Variants in MCC observed in about 807,000 individuals in gnomAD.
MCC encodes the protein colorectal mutant cancer protein.
MCC carries 90 observed loss-of-function variants against 116.2 expected under a neutral mutation model. The ratio of observed to expected loss-of-function variants is 0.77; its 90% CI spans 0.65 to 0.92. The LOEUF (loss-of-function observed/expected upper bound fraction) is 0.92. MCC is among the 40% of genes least tolerant of loss of function. The pLI is 0.00. For synonymous variants in MCC, 578 were observed against 510.5 expected, an observed-to-expected ratio of 1.13 and a Z score of -1.78; for missense variants, 1,516 against 1,312.2, an observed-to-expected ratio of 1.16 and a Z score of -2.40.
rs541625025 is a variant in MCC at position 113,091,903 on chromosome 5, C to CACACCA, written c.1399-6594_1399-6593insTGGTGT. ...ACTCAGACACACACACACACACACA[C>CACACCA]CACACAAACACACACACACACACTG... is the stretch of plus-strand genomic sequence containing the variant. On this transcript the variant is annotated intron_variant, in intron 8 of 18. Transcript: ENST00000408903. Among the ~76,000 whole-genome samples, 2 of 144,182 alleles carry CACACCA rather than the reference C, an allele frequency of 1.4e-5. 1 individual carries two copies. The highest frequency in any genetic ancestry group is 5.2e-5 in the African/African-American group (2 of 38,484). 94.6% of individuals were successfully genotyped at this position (144,182 alleles called of 152,430 possible).
intron 8 of MCC, among the ~76,000 whole-genome samples, chr5:113,096,101 C>G (rs1329018824): frequency 6.6e-6 from 1 of 152,200 alleles, no homozygotes; most frequent in African/African-American, 2.4e-5. Flanking sequence ...CTCCACATAG[C>G]AGGCAGCTTC....
At chr5:113,071,350 T>G in intron 11 of MCC, 116 bp from the exon 12 acceptor site, 20 of 1,020,820 alleles carry the variant, frequency 2.0e-5, no homozygotes, top group Non-Finnish European at 2.9e-5. Flanking sequence ...CCTGTCAGAT[T>G]AGTAGCTGAC....
At chr5:113,325,015 AT>A (rs1767517834) in intron 3 of MCC, among the ~76,000 whole-genome samples, 1 of 151,670 alleles carries the variant, frequency 6.6e-6, no homozygotes, top group Non-Finnish European at 1.5e-5. Context: ...AAAAAAAAAA[AT>A]CTCAGTAAAG....
At chr5:113,312,545 A>G (rs1561519758) in intron 3 of MCC, among the ~76,000 whole-genome samples, 2 of 152,312 alleles carry the variant, frequency 1.3e-5, no homozygotes, top group Middle Eastern at 3.4e-3. Flanking sequence ...TAGAAGGTCA[A>G]TGCAGCTGGA....
At chr5:113,100,386 ATTTACAAGGTCTT>A (rs1473424034) in intron 8 of MCC, among the ~76,000 whole-genome samples, 1 of 148,640 alleles carries the variant, frequency 6.7e-6, no homozygotes, top group Non-Finnish European at 1.5e-5. Context: ...AGAGCAAGTT[ATTTACAAGGTCTT>A]TTTTATGGCT....
At chr5:113,458,523 G>C (rs1580403116) in intron 1 of MCC, among the ~76,000 whole-genome samples, 1 of 152,220 alleles carries the variant, frequency 6.6e-6, no homozygotes, top group African/African-American at 2.4e-5. Context: ...AAGTCAGTGA[G>C]ACCAAGAACC....
chr5:113,379,305 A>G (rs912809018), intron 2 of MCC, among the ~76,000 whole-genome samples: 1 of 152,250 alleles, frequency 6.6e-6, no homozygotes. Context: ...TAGAAGGAGC[A>G]TTCTATTCTA....
At chr5:113,439,289 A>G (rs6879370) in intron 1 of MCC, among the ~76,000 whole-genome samples, 17,536 of 152,182 alleles carry the variant, frequency 0.12, 1,753 homozygotes, top group African/African-American at 0.27. Context: ...TGGTTGTGGA[A>G]GCATGCTGAG....
At chr5:113,484,153 C>A (rs1355427263) in intron 1 of MCC, among the ~76,000 whole-genome samples, 4 of 151,932 alleles carry the variant, frequency 2.6e-5, no homozygotes, top group Admixed American at 6.6e-5. Context: ...CTATAGTGGG[C>A]ACTAGGCTTA....
intron 14 of MCC, among the ~76,000 whole-genome samples, chr5:113,056,470 G>T (rs1035456303): frequency 2.6e-5 from 4 of 152,164 alleles, no homozygotes; most frequent in African/African-American, 9.7e-5. Flanking sequence ...AACTAATGTG[G>T]GAACAGAAAA....
intron 17 of MCC, among the ~76,000 whole-genome samples, chr5:113,030,958 T>G (rs1038511731): frequency 6.6e-6 from 1 of 152,232 alleles, no homozygotes; most frequent in African/African-American, 2.4e-5. Flanking sequence ...GTTAGAGTCA[T>G]GTAGGAACGG....
chr5:113,116,939 C>T (rs1373793753), intron 6 of MCC, among the ~76,000 whole-genome samples: 1 of 152,142 alleles, frequency 6.6e-6, no homozygotes, highest in Non-Finnish European at 1.5e-5. Flanking sequence ...AATTAAGTTG[C>T]CCACATAAAG....
intron 3 of MCC, among the ~76,000 whole-genome samples, chr5:113,255,424 A>G (rs955246016): frequency 2.0e-5 from 3 of 152,182 alleles, no homozygotes; most frequent in Admixed American, 2.0e-4. Context: ...AGCCTTTGGG[A>G]TCAGAAAACT....
intron 1 of MCC, among the ~76,000 whole-genome samples, chr5:113,426,408 T>C (rs1233865162): frequency 3.3e-5 from 5 of 152,216 alleles, no homozygotes; most frequent in Non-Finnish European, 5.9e-5. Context: ...CCTCAAAATC[T>C]ATCCCCAGGA....
Position 113,158,414 on chromosome 5 carries a change from C to T in MCC, c.628-6992G>A, listed in dbSNP as rs147850930. On this transcript the variant is annotated intron_variant, in intron 3 of 18. Transcript: ENST00000408903. ...TTGAATACATATTTTTGGCAGGTTC[C>T]GCACTGCATGCTTCATACACTTTAC... is the stretch of plus-strand genomic sequence containing the variant. Among the ~76,000 whole-genome samples, 188 of 152,292 alleles carry T rather than the reference C, an allele frequency of 1.2e-3. No homozygotes were observed. In the Middle Eastern group the frequency reaches 0.017, roughly 14 times the overall value.
chr5:113,218,346 C>T lies in MCC; in HGVS notation c.628-66924G>A, dbSNP rs114422833. 6.8e-3 allele frequency among the ~76,000 whole-genome samples: 1,042 copies of T among 152,166 alleles called. 10 individuals are homozygous for T. Among genetic ancestry groups the T allele is most frequent in the African/African-American group, 0.024 (987 of 41,508 alleles). Reference sequence around the variant, plus strand: ...GCTGGTATTTTTGTCACTGGGCTTTCGGGCTGGGGGCTGGGCAGAGCTGAA... The same window carrying T: ...GCTGGTATTTTTGTCACTGGGCTTTTGGGCTGGGGGCTGGGCAGAGCTGAA... On this transcript the variant is annotated intron_variant, in intron 3 of 18. Transcript: ENST00000408903.
chr5:113,258,351 CCA>C (rs1765097155), intron 3 of MCC, among the ~76,000 whole-genome samples: 1 of 152,212 alleles, frequency 6.6e-6, no homozygotes, highest in South Asian at 2.1e-4. Flanking sequence ...CAGGGGGTCC[CCA>C]ACCCCTGGTC....
At chr5:113,460,989 G>A (rs1053153485) in intron 1 of MCC, among the ~76,000 whole-genome samples, 7 of 152,218 alleles carry the variant, frequency 4.6e-5, no homozygotes, top group Admixed American at 4.6e-4. Context: ...TATAAGCCAA[G>A]CACTCTTAAA....
chr5:113,269,579 T>TC (rs1333107530), intron 3 of MCC, among the ~76,000 whole-genome samples: 10 of 152,198 alleles, frequency 6.6e-5, no homozygotes, highest in Non-Finnish European at 1.2e-4. Flanking sequence ...GTCTTTATCT[T>TC]CCCCAACCTA....
Sources: allele counts gnomAD v4.1 joint callset (sites outside exome capture counted in the v4.1 genomes callset), GRCh38; gene constraint gnomAD v4.1.1; transcripts MANE v1.5; gene names NCBI Gene and HGNC (gene_info 2026-07-23, HGNC 2026-07-21).